The following NAV3 variants were observed in gnomAD, a reference collection of about 807,000 sequenced individuals.
The protein encoded by NAV3 is neuron navigator 3.
A neutral mutation model predicts 244.7 loss-of-function variants in NAV3; 87 were observed. The ratio of observed to expected loss-of-function variants is 0.36; its 90% CI spans 0.30 to 0.42. The LOEUF (loss-of-function observed/expected upper bound fraction) is 0.42, where lower values mean the gene tolerates loss of function less well. NAV3 is among the 20% of genes least tolerant of loss of function. NAV3 has a pLI of 1.00. For missense variants in NAV3, 2,663 were observed against 2,893.3 expected (o/e 0.92, Z 1.83); for synonymous variants, 1,126 against 1,042.2 (o/e 1.08, Z -1.55).
intron 2 of NAV3, among the ~76,000 whole-genome samples, chr12:77,789,482 A>G (rs1474850484): frequency 1.3e-5 from 2 of 148,604 alleles, no homozygotes; most frequent in African/African-American, 5.0e-5. Context: ...TATAAAATAC[A>G]CTAACACTAA....
chr12:78,124,380 T>C (rs187024238), intron 16 of NAV3, among the ~76,000 whole-genome samples: 105 of 152,362 alleles, frequency 6.9e-4, no homozygotes, highest in African/African-American at 2.4e-3. Context: ...TTTCTTATTC[T>C]TTTTAAGCAG....
At chr12:78,166,822 A>G (rs1244646539) in intron 23 of NAV3, among the ~76,000 whole-genome samples, 5 of 151,750 alleles carry the variant, frequency 3.3e-5, no homozygotes, top group Non-Finnish European at 7.4e-5. Flanking sequence ...GCTAAGCTTA[A>G]TTTTTTGACA....
chr12:78,198,140 A>G lies in NAV3; in HGVS notation c.6447-465A>G, dbSNP rs145131422. ...AGTTTTAATAGTGTCAAATATTCCA[A>G]TTATCTCTGCTAGAGATTTTTGGAA... is the stretch of plus-strand genomic sequence containing the variant. On this transcript the variant is annotated intron_variant, in intron 35 of 39. Transcript: ENST00000397909. Among the ~76,000 whole-genome samples, 1,256 of 152,048 alleles carry G rather than the reference A, an allele frequency of 8.3e-3. 7 individuals are homozygous for G. The highest frequency in any genetic ancestry group is 0.012 in the Non-Finnish European group (818 of 67,852).
At chr12:78,197,004 T>C (rs1002500990) in intron 34 of NAV3, among the ~76,000 whole-genome samples, 6 of 151,992 alleles carry the variant, frequency 3.9e-5, no homozygotes, top group Admixed American at 6.6e-5. Context: ...TTATATTTGC[T>C]GCAGGTGTTT....
chr12:77,994,880 A>G lies in NAV3; in HGVS notation c.740+9A>G, dbSNP rs752851801. On this transcript the variant is annotated intron_variant, in intron 6 of 39. Transcript: ENST00000397909. ...CAAAAAAAGCCTACTAGGTCAGTTAATATTCTCTAATTTATTGCTTATTAG... is the reference window on the plus strand; with the variant it reads ...CAAAAAAAGCCTACTAGGTCAGTTAGTATTCTCTAATTTATTGCTTATTAG... 2 of 1,580,996 alleles carry G rather than the reference A, an allele frequency of 1.3e-6. No individual in the cohort carries two copies. Among genetic ancestry groups the G allele is most frequent in the South Asian group, 2.2e-5 (2 of 89,030 alleles).
rs533295229 is a variant in NAV3, at chr12:77,872,743, G to A, written c.243+41039G>A. 2.9e-4 allele frequency among the ~76,000 whole-genome samples: 44 copies of A among 152,280 alleles called. 1 individual carries two copies. Among genetic ancestry groups the A allele is most frequent in the African/African-American group, 1.1e-3 (44 of 41,568 alleles). On this transcript the variant is annotated intron_variant, in intron 1 of 39. Transcript: ENST00000397909. ...CTCCTTTGTGAACTTTTACATTTCG[G>A]AACTCTATATGACTGTTGCTTTGCT...
intron 5 of NAV3, among the ~76,000 whole-genome samples, chr12:77,982,758 A>T (rs1869800390): frequency 6.6e-6 from 1 of 152,162 alleles, no homozygotes; most frequent in East Asian, 1.9e-4. Context: ...ATGGAGAAGG[A>T]TGGAATGGCG....
At chr12:77,642,785 T>G (rs1872469865) in intron 2 of NAV3, among the ~76,000 whole-genome samples, 1 of 152,088 alleles carries the variant, frequency 6.6e-6, no homozygotes, top group South Asian at 2.1e-4. Context: ...AAAAAAGTCT[T>G]TGGTTATATC....
At chr12:77,700,572 TAGTG>T (rs1875517137) in intron 2 of NAV3, among the ~76,000 whole-genome samples, 1 of 152,088 alleles carries the variant, frequency 6.6e-6, no homozygotes, top group Admixed American at 6.6e-5. Flanking sequence ...TGAATAGAAA[TAGTG>T]AGAACAGATA....
At chr12:77,909,115 T>C (rs1160506681) in intron 1 of NAV3, among the ~76,000 whole-genome samples, 1 of 152,106 alleles carries the variant, frequency 6.6e-6, no homozygotes, top group Non-Finnish European at 1.5e-5. Flanking sequence ...CCCTTATATA[T>C]GTCCTAGATG....
At chr12:78,101,977 G>A (rs1363433660) in intron 12 of NAV3, among the ~76,000 whole-genome samples, 4 of 152,018 alleles carry the variant, frequency 2.6e-5, no homozygotes, top group East Asian at 1.9e-4. Context: ...AAAAATGTGC[G>A]AAAAAGTTAT....
In NAV3 at chr12:77,976,668, T is replaced by A. The variant is rs552919976; in HGVS notation, c.671+7966T>A. ...ATTCTTTCTTTCTTTCTTTCTTTCT[T>A]TTTTTCTTTTTTTTTTTTTTTTTTG... On this transcript the variant is annotated intron_variant, in intron 5 of 39. Coordinates refer to ENST00000397909, the MANE Select transcript of NAV3 (RefSeq NM_001024383.2). 3.7e-3 allele frequency among the ~76,000 whole-genome samples: 217 copies of A among 58,124 alleles called. 2 individuals are homozygous for A. The highest frequency in any genetic ancestry group is 5.4e-3 in the Non-Finnish European group (162 of 29,926). The allele number at this position is 58,124 out of a possible 152,430, so 38.1% of individuals were successfully genotyped here.
At chr12:78,136,201 T>C (rs1956367699) in intron 18 of NAV3, among the ~76,000 whole-genome samples, 1 of 152,184 alleles carries the variant, frequency 6.6e-6, no homozygotes, top group African/African-American at 2.4e-5. Flanking sequence ...TTCCACAGGG[T>C]TTTGAAAATA....
intron 2 of NAV3, among the ~76,000 whole-genome samples, chr12:77,764,066 TAA>T (rs2135849309): frequency 6.6e-6 from 1 of 152,346 alleles, no homozygotes; most frequent in Non-Finnish European, 1.5e-5. Context: ...TTCTCTGCCC[TAA>T]GTCATCTTTT....
intron 12 of NAV3, among the ~76,000 whole-genome samples, chr12:78,064,020 G>A (rs1032044331): frequency 3.9e-5 from 6 of 152,156 alleles, no homozygotes; most frequent in Admixed American, 6.5e-5. Flanking sequence ...AACTCTCATA[G>A]CAATGTAAGA....
chr12:77,778,341 G>A (rs1272429583), intron 2 of NAV3, among the ~76,000 whole-genome samples: 3 of 151,246 alleles, frequency 2.0e-5, no homozygotes, highest in Non-Finnish European at 2.9e-5. Context: ...GGCCGGGCGC[G>A]GTGGCTCACT....
rs373926380 is a variant in NAV3 at position 77,942,376 on chromosome 12, A to AAAAT, written c.414+1262_414+1265dup. ...AATACGAGCAAAACTCTGTCTCGAA[A>AAAAT]AAATAAATAAATAAATAAATAATAA... On this transcript the variant is annotated intron_variant, in intron 3 of 39. Coordinates refer to ENST00000397909, the MANE Select transcript of NAV3 (RefSeq NM_001024383.2). Among the ~76,000 whole-genome samples the AAAAT allele has an allele frequency of 4.5e-3, 691 of 152,010 alleles. 4 individuals are homozygous for AAAAT. The highest frequency in any genetic ancestry group is 0.012 in the African/African-American group (500 of 41,516).
chr12:78,204,377 GT>G lies in NAV3; in HGVS notation c.6835-553del, dbSNP rs375502231. On this transcript the variant is annotated intron_variant, in intron 38 of 39. Transcript: ENST00000397909. ...TAATAATAAAATAAGATAAAAAAGAGTTTTTACAGAAAGCAATGGGATTAAA... is the reference window on the plus strand; with the variant it reads ...TAATAATAAAATAAGATAAAAAAGAGTTTTACAGAAAGCAATGGGATTAAA... Among the ~76,000 whole-genome samples, 889 of 152,192 alleles carry G rather than the reference GT, an allele frequency of 5.8e-3. 10 individuals are homozygous for G. The highest frequency in any genetic ancestry group is 0.02 in the African/African-American group (838 of 41,546).
intron 3 of NAV3, among the ~76,000 whole-genome samples, chr12:77,963,777 T>G (rs1461326444): frequency 2.0e-5 from 3 of 151,878 alleles, no homozygotes; most frequent in Non-Finnish European, 2.9e-5. Flanking sequence ...ATAAATACAT[T>G]TGAAAATAAA....
Sources: gnomAD v4.1 joint callset for allele counts (sites outside exome capture counted in the v4.1 genomes callset) on GRCh38, gnomAD v4.1.1 for gene constraint, MANE v1.5 for transcripts, NCBI Gene and HGNC (gene_info 2026-07-23, HGNC 2026-07-21) for gene names.